DNAH12: variants seen among roughly 807,000 people sequenced by gnomAD.
DNAH12 encodes axonemal beta dynein heavy chain 12.
In DNAH12, 285 loss-of-function variants were observed where a neutral mutation model predicts 371.5. The observed-to-expected ratio is 0.77, with a 90% CI of 0.70 to 0.85. The LOEUF (loss-of-function observed/expected upper bound fraction) is 0.85. Ranked by LOEUF, DNAH12 falls within the 40% of genes least tolerant of loss-of-function variation. DNAH12 has a pLI of 0.00. For missense variants in DNAH12, 3,611 were observed against 3,689.4 expected, an observed-to-expected ratio of 0.98 and a Z score of 0.55; for synonymous variants, 1,200 against 1,213.0, an observed-to-expected ratio of 0.99 and a Z score of 0.22.
intron 55 of DNAH12, among the ~76,000 whole-genome samples, chr3:57,372,867 T>C (rs975634686): frequency 1.3e-5 from 2 of 152,206 alleles, no homozygotes; most frequent in East Asian, 3.9e-4. Context: ...ATAATTCCAC[T>C]AAATGTAAAT....
chr3:57,378,824 C>A (rs2063331891), intron 52 of DNAH12, among the ~76,000 whole-genome samples: 1 of 152,152 alleles, frequency 6.6e-6, no homozygotes, highest in African/African-American at 2.4e-5. Flanking sequence ...CTGGCACTTT[C>A]CCCTTGATGT....
chr3:57,298,487 T>C (rs903446040), intron 70 of DNAH12, among the ~76,000 whole-genome samples: 1 of 152,200 alleles, frequency 6.6e-6, no homozygotes, highest in Admixed American at 6.5e-5. Context: ...TGCACCCTGG[T>C]CAAATGTTAC....
At chr3:57,485,861 C>T (rs907328573) in intron 12 of DNAH12, among the ~76,000 whole-genome samples, 4 of 152,052 alleles carry the variant, frequency 2.6e-5, no homozygotes, top group African/African-American at 9.7e-5. Context: ...GGGTAAAAGA[C>T]TACATATTGG....
At chr3:57,297,669 C>A (rs188310438) in intron 70 of DNAH12, among the ~76,000 whole-genome samples, 1 of 152,030 alleles carries the variant, frequency 6.6e-6, no homozygotes, top group Non-Finnish European at 1.5e-5. Flanking sequence ...AGTTCCTTAA[C>A]CCTCTTAAAC....
rs1383885888 is a variant in DNAH12 at position 57,296,887 on chromosome 3, T to C, written c.11492A>G (p.Lys3831Arg). 1.3e-6 allele frequency: 2 copies of C among 1,551,692 alleles called. No homozygotes were observed. Among genetic ancestry groups the C allele is most frequent in the South Asian group, 1.2e-5 (1 of 84,052 alleles). The change falls in exon 71 of 74, where the codon AAA becomes AGA. Residue 3831 changes from lysine to arginine, a missense_variant. Coordinates refer to ENST00000495027, the MANE Select transcript of DNAH12 (RefSeq NM_001366028.2). ...LTGAMQNYAR[K>R]YTTPIDLLGY... ...TAGCAAATCAATAGGGGTGGTATAT[T>C]TTCTGGCATAATTCTGCATAGCTCC...
At chr3:57,488,160 T>C (rs1431422854) in intron 12 of DNAH12, among the ~76,000 whole-genome samples, 1 of 152,120 alleles carries the variant, frequency 6.6e-6, no homozygotes, top group Non-Finnish European at 1.5e-5. Flanking sequence ...ATATTAGTCC[T>C]GCGAGGAAGG....
rs1015464346 is a variant in DNAH12, at chr3:57,303,051, C to A, written c.11190-1112G>T. On this transcript the variant is annotated intron_variant, in intron 69 of 73. Coordinates refer to ENST00000495027, the MANE Select transcript of DNAH12 (RefSeq NM_001366028.2). ...CATCATTTTTACATTTTAAAAAATA[C>A]CCACTCAACTGGGCGTGGTGGCTCA... Among the ~76,000 whole-genome samples, 16 of 151,796 alleles carry A rather than the reference C, an allele frequency of 1.1e-4. No individual in the cohort carries two copies. In the South Asian group the frequency reaches 3.3e-3, roughly 32 times the overall value.
intron 37 of DNAH12, 23 bp from the exon 38 acceptor site, chr3:57,415,587 T>C (rs1051088830): frequency 7.3e-6 from 11 of 1,508,218 alleles, no homozygotes; most frequent in Admixed American, 5.4e-5. Flanking sequence ...AATGAATATA[T>C]TATTCAAAAT....
chr3:57,294,335 C>A (rs970116025), intron 73 of DNAH12, among the ~76,000 whole-genome samples: 1 of 152,034 alleles, frequency 6.6e-6, no homozygotes, highest in African/African-American at 2.4e-5. Flanking sequence ...TGCCACCATG[C>A]CTTGCTAATT....
Position 57,405,907 on chromosome 3 carries a change from A to G in DNAH12, c.6322T>C (p.Ser2108Pro). The change falls in exon 41 of 74, where the codon TCC (serine) becomes CCC (proline). Residue 2108 changes from serine (S) to proline (P), a missense_variant. By Grantham distance (74) the Ser-to-Pro change is moderately conservative (BLOSUM62 -1). This residue lies in a region of DNAH12 where 2,266 missense variants were observed against 2,236.9 expected (regional missense o/e 1.01). Transcript: ENST00000495027. Reference sequence around the variant, plus strand: ...TCACGCAAGTTGAAAGTATAATGGGATTTTGTGGGAGTGGGTAAAAGATTT... The same window carrying G: ...TCACGCAAGTTGAAAGTATAATGGGGTTTTGTGGGAGTGGGTAAAAGATTT... Reference protein sequence around the residue: ...VENLLPTPTKSHYTFNLRDFS... With the variant: ...VENLLPTPTKPHYTFNLRDFS... The G allele has an allele frequency of 4.5e-6, 7 of 1,548,272 alleles. No individual in the cohort carries two copies. Among genetic ancestry groups the G allele is most frequent in the Non-Finnish European group, 6.1e-6 (7 of 1,143,990 alleles).
chr3:57,396,290 C>CAAAAAAAA (rs1159748997), intron 43 of DNAH12, among the ~76,000 whole-genome samples: 21 of 68,704 alleles, frequency 3.1e-4, no homozygotes, highest in African/African-American at 4.5e-4. Flanking sequence ...AAAAAAAAAA[C>CAAAAAAAA]AAAAAAAAAA....
chr3:57,403,390 A>G lies in DNAH12; in HGVS notation c.6867T>C (p.Ala2289=). The change falls in exon 43 of 74, where the codon GCT becomes GCC. Residue 2289 remains alanine, a synonymous_variant. Coordinates refer to ENST00000495027, the MANE Select transcript of DNAH12 (RefSeq NM_001366028.2). ...GSGRQSLTRL[A]TSMAKMHIFQ... is the part of the protein sequence containing the mutation. ...AAATATGCATTTTTGCCATGGATGT[A>G]GCCAGACGAGTTAAAGATTGACGAC... The G allele has an allele frequency of 6.4e-7, 1 of 1,551,516 alleles. No individual in the cohort carries two copies. Among genetic ancestry groups the G allele is most frequent in the Non-Finnish European group, 8.7e-7 (1 of 1,146,880 alleles).
intron 69 of DNAH12, 35 bp from the exon 70 acceptor site, chr3:57,301,974 G>T: frequency 6.5e-7 from 1 of 1,538,468 alleles, no homozygotes. Flanking sequence ...CAACATATAT[G>T]ATGATATCAA....
chr3:57,313,022 C>G (rs1431700111), intron 66 of DNAH12, among the ~76,000 whole-genome samples: 1 of 152,148 alleles, frequency 6.6e-6, no homozygotes, highest in African/African-American at 2.4e-5. Context: ...TAGACTTTAT[C>G]AATGCTTCTC....
At chr3:57,324,754 G>A (rs1038848119) in intron 62 of DNAH12, among the ~76,000 whole-genome samples, 12 of 152,238 alleles carry the variant, frequency 7.9e-5, no homozygotes, top group African/African-American at 1.7e-4. Flanking sequence ...TGCACAAGCC[G>A]AAGCAGGGCG....
intron 25 of DNAH12, among the ~76,000 whole-genome samples, chr3:57,448,116 G>T (rs186460809): frequency 3.0e-4 from 45 of 152,286 alleles, no homozygotes; most frequent in Non-Finnish European, 2.2e-4. Flanking sequence ...ATATACTAGT[G>T]TGTCTGGAAT....
chr3:57,430,234 C>T (rs1333890291), intron 32 of DNAH12, among the ~76,000 whole-genome samples: 2 of 151,990 alleles, frequency 1.3e-5, no homozygotes, highest in Admixed American at 6.6e-5. Context: ...TTGCCATTAC[C>T]TTTTTAAAAA....
At chr3:57,514,902 T>C (rs950038461) in intron 4 of DNAH12, among the ~76,000 whole-genome samples, 3 of 152,216 alleles carry the variant, frequency 2.0e-5, no homozygotes, top group Admixed American at 6.5e-5. Flanking sequence ...AGGTGAATAT[T>C]AAACTATGGT....
chr3:57,453,422 A>G lies in DNAH12; in HGVS notation c.3457-19T>C, dbSNP rs552203620. The G allele has an allele frequency of 6.0e-6, 9 of 1,499,872 alleles. No homozygotes were observed. Among genetic ancestry groups the G allele is most frequent in the African/African-American group, 5.7e-5 (4 of 70,330 alleles). The allele number at this position is 1,499,872 out of a possible 1,614,324, so 92.9% of individuals were successfully genotyped here. On this transcript the variant is annotated intron_variant, in intron 23 of 73. Coordinates refer to ENST00000495027, the MANE Select transcript of DNAH12 (RefSeq NM_001366028.2). ...TTAATCCCTACAAAATAAAAAAAAA[A>G]GCAATCTAATTGATGTCACATCATA...
Sources: gnomAD v4.1 joint callset for allele counts (sites outside exome capture counted in the v4.1 genomes callset) on GRCh38, gnomAD v4.1.1 for gene constraint, gnomAD v4.1.1 regional missense constraint, MANE v1.5 for transcripts, NCBI Gene and HGNC (gene_info 2026-07-23, HGNC 2026-07-21) for gene names.